HADHA: variants seen among roughly 807,000 people sequenced by gnomAD.
HADHA encodes trifunctional enzyme subunit alpha, mitochondrial.
A neutral mutation model predicts 91.3 loss-of-function variants in HADHA; 59 were observed. The ratio of observed to expected loss-of-function variants is 0.65; its 90% confidence interval spans 0.52 to 0.80. The LOEUF is 0.80. Among genes scored for constraint, HADHA ranks in the 30% least tolerant of loss-of-function variants. The pLI is 0.00. For synonymous variants in HADHA, 320 were observed against 338.9 expected, an observed-to-expected ratio of 0.94 and a Z score of 0.61; for missense variants, 800 against 927.6, an observed-to-expected ratio of 0.86 and a Z score of 1.79.
intron 7 of HADHA, among the ~76,000 whole-genome samples, chr2:26,220,249 A>G (rs1235689733): frequency 6.6e-6 from 1 of 152,156 alleles, no homozygotes; most frequent in Non-Finnish European, 1.5e-5. Context: ...TCCTGCGGTT[A>G]TTTTCCCAGT....
At chr2:26,205,053 A>C (rs1558319949) in intron 11 of HADHA, among the ~76,000 whole-genome samples, 1 of 152,126 alleles carries the variant, frequency 6.6e-6, no homozygotes, top group Non-Finnish European at 1.5e-5. Flanking sequence ...TCTCAGGACG[A>C]CTTGATTTAC....
chr2:26,211,975 C>T (rs1361863438), intron 10 of HADHA: 2 of 152,912 alleles, frequency 1.3e-5, no homozygotes, highest in Non-Finnish European at 2.9e-5. Flanking sequence ...ACAAAAAACA[C>T]CCAAGTGACT....
chr2:26,233,200 T>A (rs1670667438), intron 5 of HADHA, among the ~76,000 whole-genome samples: 2 of 152,188 alleles, frequency 1.3e-5, no homozygotes, highest in African/African-American at 4.8e-5. Context: ...CCTAACAGGC[T>A]ATGGCCTGGG....
Position 26,191,168 on chromosome 2 carries a change from A to C in HADHA, c.*82T>G. On this transcript the variant is annotated 3_prime_UTR_variant, in exon 20 of 20. Transcript: ENST00000380649. ...AGTTTGTCTTCTCGTTACTCTGATA[A>C]ATCTAGACACCACTCTGTTGGAGAA... The C allele has an allele frequency of 1.4e-6, 2 of 1,408,404 alleles. No homozygotes were observed. Among genetic ancestry groups the C allele is most frequent in the African/African-American group, 1.4e-5 (1 of 71,152 alleles). The allele number at this position is 1,408,404 out of a possible 1,614,324, so 87.2% of individuals were successfully genotyped here. A position where few individuals can be genotyped will look rare whatever the true frequency, so the allele number is the denominator to read the frequency against.
intron 13 of HADHA, among the ~76,000 whole-genome samples, chr2:26,200,802 G>A (rs940432489): frequency 5.3e-5 from 8 of 151,274 alleles, no homozygotes; most frequent in East Asian, 1.9e-4. Flanking sequence ...GCGTGATCTC[G>A]GCTCACTGCA....
chr2:26,243,896 G>A (rs985342563), intron 1 of HADHA, among the ~76,000 whole-genome samples: 2 of 152,226 alleles, frequency 1.3e-5, no homozygotes, highest in African/African-American at 2.4e-5. Context: ...TTAAGGTAGA[G>A]GTATTAGCGT....
chr2:26,199,782 C>T (rs1438393777), intron 13 of HADHA, among the ~76,000 whole-genome samples: 1 of 152,036 alleles, frequency 6.6e-6, no homozygotes, highest in African/African-American at 2.4e-5. Context: ...TGCTTTTGTT[C>T]TCTTGGAAGC....
At chr2:26,213,683 C>CGGGA (rs1670154681) in intron 9 of HADHA, among the ~76,000 whole-genome samples, 1 of 152,174 alleles carries the variant, frequency 6.6e-6, no homozygotes, top group African/African-American at 2.4e-5. Context: ...TCCTCTGTCC[C>CGGGA]ACTCATCTGG....
At chr2:26,234,765 CA>C (rs199781944) in intron 4 of HADHA, among the ~76,000 whole-genome samples, 24,403 of 88,876 alleles carry the variant, frequency 0.27, 1,911 homozygotes, top group Middle Eastern at 0.36. Flanking sequence ...GACTCTGTCT[CA>C]AAAAAAAAAA....
rs745946711 is a variant in HADHA at position 26,197,796 on chromosome 2, TA to T, written c.1393-20del. 3.3e-6 allele frequency: 4 copies of T among 1,215,292 alleles called. No homozygotes were observed. The highest frequency in any genetic ancestry group is 4.9e-6 in the Non-Finnish European group (4 of 815,426). 75.3% of individuals were successfully genotyped at this position (1,215,292 alleles called of 1,614,324 possible). A position where few individuals can be genotyped will look rare whatever the true frequency, so the allele number is the denominator to read the frequency against. ...GAATCACCTGCAGGGGAAAAGCATT[TA>T]ACAATGTGTCAGGTAGGCCTGGGAG... On this transcript the variant is annotated intron_variant, in intron 13 of 19. Transcript: ENST00000380649.
At chr2:26,236,760 G>T in intron 4 of HADHA, 95 bp downstream of exon 4, 1 of 962,256 alleles carries the variant, frequency 1.0e-6, no homozygotes, top group Non-Finnish European at 1.7e-6. Flanking sequence ...ACTGTGCCCA[G>T]CACTTCTACT....
chr2:26,211,153 C>A (rs4665837), intron 10 of HADHA, among the ~76,000 whole-genome samples: 125,952 of 152,178 alleles, frequency 0.83, 52,574 homozygotes, highest in African/African-American at 0.95. Flanking sequence ...ATATAAAAAG[C>A]GGAATACACA....
chr2:26,197,261 G>A (rs1355178248), intron 14 of HADHA, among the ~76,000 whole-genome samples: 2 of 152,132 alleles, frequency 1.3e-5, no homozygotes, highest in Admixed American at 6.5e-5. Flanking sequence ...TTCATGTCCC[G>A]GGGTAGAAGG....
chr2:26,244,540 G>A lies in HADHA; in HGVS notation c.57C>T (p.Leu19=), dbSNP rs1671028894. ...TCGGCCAGGCCTCACCTCGGGAGCG[G>A]AGGATCCTGAAGGCAGAAAAGCGGC... The part of the protein sequence containing the change: ...ILSRFSAFRI[L]RSRGYICRNF... Residue 19 remains leucine, a synonymous_variant, in exon 1 of 20, where the codon CTC becomes CTT. Coordinates refer to ENST00000380649, the MANE Select transcript of HADHA (RefSeq NM_000182.5). The A allele has an allele frequency of 1.9e-6, 3 of 1,583,290 alleles. No individual in the cohort carries two copies. Among genetic ancestry groups the A allele is most frequent in the Non-Finnish European group, 2.6e-6 (3 of 1,164,178 alleles).
chr2:26,223,261 C>T (rs912146499), intron 7 of HADHA, among the ~76,000 whole-genome samples: 1 of 152,136 alleles, frequency 6.6e-6, no homozygotes, highest in African/African-American at 2.4e-5. Context: ...TCCTGATTAC[C>T]AAGGGGATAT....
Position 26,214,194 on chromosome 2 carries a change from C to T in HADHA, c.918+249G>A, listed in dbSNP as rs956656773. Among the ~76,000 whole-genome samples, 3 of 152,242 alleles carry T rather than the reference C, an allele frequency of 2.0e-5. No individual in the cohort carries two copies. The highest frequency in any genetic ancestry group is 3.4e-3 in the Middle Eastern group (1 of 294). On this transcript the variant is annotated intron_variant, in intron 9 of 19. Transcript: ENST00000380649. The surrounding 1 kb of genome is among the most constrained non-coding windows in gnomAD (Gnocchi z 4.1). ...TGACTTAGGTTCCTTTCCTGGTTTTCTGGTTTGTTACTGATACATTTAACT... is the reference window on the plus strand; with the variant it reads ...TGACTTAGGTTCCTTTCCTGGTTTTTTGGTTTGTTACTGATACATTTAACT...
At chr2:26,219,805 A>G (rs1670330747) in intron 7 of HADHA, among the ~76,000 whole-genome samples, 1 of 152,200 alleles carries the variant, frequency 6.6e-6, no homozygotes, top group South Asian at 2.1e-4. Flanking sequence ...TGGTGTCCCT[A>G]AAAAAGAAAT....
At chr2:26,225,018 A>T (rs1670454314) in intron 7 of HADHA, among the ~76,000 whole-genome samples, 2 of 152,206 alleles carry the variant, frequency 1.3e-5, no homozygotes, top group South Asian at 4.1e-4. Flanking sequence ...TGAAAGACAC[A>T]AACTACTATC....
At chr2:26,193,529 G>A (rs13432831) in intron 17 of HADHA, 48 bp downstream of exon 17, 1 of 1,476,456 alleles carries the variant, frequency 6.8e-7, no homozygotes, top group South Asian at 1.1e-5. Flanking sequence ...GAACTGCTTA[G>A]AACTTTGTAA....
Sources: allele counts gnomAD v4.1 joint callset (sites outside exome capture counted in the v4.1 genomes callset), GRCh38; gene constraint gnomAD v4.1.1; non-coding constraint Gnocchi (gnomAD v3.1); transcripts MANE v1.5; gene names NCBI Gene and HGNC (gene_info 2026-07-23, HGNC 2026-07-21).